Variants in NAV3 observed in about 807,000 individuals in gnomAD.
NAV3 encodes pore membrane and/or filament interacting like protein 1.
In NAV3, 87 loss-of-function variants were observed where a neutral mutation model predicts 244.7. The ratio of observed to expected loss-of-function variants is 0.36; its 90% CI spans 0.30 to 0.42. The LOEUF (loss-of-function observed/expected upper bound fraction) is 0.42. Ranked by LOEUF, NAV3 falls within the 20% of genes least tolerant of loss-of-function variation. The pLI, the probability that NAV3 is intolerant of heterozygous loss-of-function variation, is 1.00. For synonymous variants in NAV3, 1,126 were observed against 1,042.2 expected (o/e 1.08, Z -1.55); for missense variants, 2,663 against 2,893.3 (o/e 0.92, Z 1.83).
At chr12:78,052,344 C>CTTAAT (rs1882880378) in intron 11 of NAV3, 1 of 152,188 alleles carries the variant, frequency 6.6e-6, no homozygotes, top group East Asian at 1.9e-4. Flanking sequence ...ATTATAGAGA[C>CTTAAT]TAATTATGAT....
At chr12:78,067,689 C>A (rs1452255852) in intron 12 of NAV3, among the ~76,000 whole-genome samples, 1 of 152,052 alleles carries the variant, frequency 6.6e-6, no homozygotes, top group African/African-American at 2.4e-5. Flanking sequence ...GATTGTTAAA[C>A]CTCAATTGCC....
intron 2 of NAV3, among the ~76,000 whole-genome samples, chr12:77,812,415 T>TA (rs907735764): frequency 1.3e-5 from 2 of 152,040 alleles, no homozygotes; most frequent in African/African-American, 2.4e-5. Context: ...TTTTTTTTTT[T>TA]AACTTTTATT....
chr12:78,123,053 G>A (rs1955746078), intron 16 of NAV3, among the ~76,000 whole-genome samples: 2 of 151,880 alleles, frequency 1.3e-5, no homozygotes, highest in Admixed American at 6.6e-5. Context: ...TAAACTTAAA[G>A]TAGAGGACAT....
At position 77,940,470 on chromosome 12, in the gene NAV3, T is replaced by A. The variant is rs144343075; in HGVS notation, c.361+34T>A. 6 of 1,532,574 alleles carry A rather than the reference T, an allele frequency of 3.9e-6. No individual in the cohort carries two copies. In the South Asian group the frequency reaches 6.8e-5, roughly 17 times the overall value. 94.9% of individuals were successfully genotyped at this position (1,532,574 alleles called of 1,614,324 possible). ...TTCCTTCTGAAAGAAAGCATGAAAG[T>A]CTCTGCTCCCATCTCTTTGGTAAAG... On this transcript the variant is annotated intron_variant, in intron 2 of 39. Transcript: ENST00000397909.
At chr12:77,635,982 C>T (rs1189903264) in intron 2 of NAV3, among the ~76,000 whole-genome samples, 1 of 152,184 alleles carries the variant, frequency 6.6e-6, no homozygotes. Context: ...TCTTTAAAAA[C>T]ATTCAACCAG....
chr12:78,204,713 A>C (rs967641584), intron 38 of NAV3, among the ~76,000 whole-genome samples: 1 of 152,100 alleles, frequency 6.6e-6, no homozygotes, highest in African/African-American at 2.4e-5. Context: ...GTTGACATCT[A>C]TTCCAAATAT....
chr12:78,022,324 A>T lies in NAV3; in HGVS notation c.2023+462A>T, dbSNP rs116253795. Among the ~76,000 whole-genome samples the T allele has an allele frequency of 4.4e-3, 669 of 152,252 alleles. 7 individuals carry two copies. The highest frequency in any genetic ancestry group is 0.016 in the African/African-American group (649 of 41,568). On this transcript the variant is annotated intron_variant, in intron 9 of 39. Coordinates refer to ENST00000397909, the MANE Select transcript of NAV3 (RefSeq NM_001024383.2). ...ATAGATGATGTAAGAAAAAAAATAC[A>T]TATCCCAGACACAGTTATCATGTTT...
chr12:78,159,963 C>T (rs1440157288), intron 23 of NAV3, among the ~76,000 whole-genome samples: 2 of 152,012 alleles, frequency 1.3e-5, no homozygotes, highest in African/African-American at 4.8e-5. Context: ...TCACTAAATC[C>T]AGCTATAGGG....
chr12:77,803,886 GA>G (rs1369832955), intron 2 of NAV3, among the ~76,000 whole-genome samples: 1 of 152,152 alleles, frequency 6.6e-6, no homozygotes, highest in African/African-American at 2.4e-5. Context: ...CACTGATGAT[GA>G]GCTTCTTTTC....
intron 2 of NAV3, among the ~76,000 whole-genome samples, chr12:77,592,620 A>G (rs1197968853): frequency 6.6e-6 from 1 of 152,176 alleles, no homozygotes; most frequent in Non-Finnish European, 1.5e-5. Context: ...TATGTCCTGC[A>G]GCTTAGCAGT....
chr12:78,022,108 T>C (rs897880752), intron 9 of NAV3, among the ~76,000 whole-genome samples: 5 of 152,088 alleles, frequency 3.3e-5, no homozygotes, highest in Admixed American at 1.3e-4. Flanking sequence ...AGTCAAGTAG[T>C]TGAATAAAAT....
At chr12:77,954,074 C>T (rs1891143253) in intron 3 of NAV3, among the ~76,000 whole-genome samples, 1 of 152,084 alleles carries the variant, frequency 6.6e-6, no homozygotes, top group South Asian at 2.1e-4. Flanking sequence ...CTTTCTTTTG[C>T]TTGAGGCCAC....
intron 5 of NAV3, among the ~76,000 whole-genome samples, chr12:77,972,083 A>C (rs1401659472): frequency 6.6e-6 from 1 of 152,224 alleles, no homozygotes; most frequent in East Asian, 1.9e-4. Flanking sequence ...AGAGGAAAGA[A>C]TAGAGTAAGA....
At chr12:77,736,675 G>C (rs1424336802) in intron 2 of NAV3, among the ~76,000 whole-genome samples, 1 of 152,222 alleles carries the variant, frequency 6.6e-6, no homozygotes, top group African/African-American at 2.4e-5. Flanking sequence ...CATGGGGAAA[G>C]AACTATACAA....
At chr12:77,623,211 T>C (rs1283551487) in intron 2 of NAV3, among the ~76,000 whole-genome samples, 1 of 152,128 alleles carries the variant, frequency 6.6e-6, no homozygotes, top group Admixed American at 6.6e-5. Flanking sequence ...TGAAAAAAAA[T>C]TGATTTTTTA....
intron 2 of NAV3, among the ~76,000 whole-genome samples, chr12:77,750,828 G>A (rs1209592467): frequency 1.3e-5 from 2 of 152,110 alleles, no homozygotes; most frequent in Non-Finnish European, 2.9e-5. Context: ...ATTTAAGAAA[G>A]GCAGAATGTA....
At chr12:78,196,043 TA>T (rs1336926187) in intron 34 of NAV3, among the ~76,000 whole-genome samples, 5 of 152,188 alleles carry the variant, frequency 3.3e-5, no homozygotes, top group African/African-American at 1.2e-4. Context: ...ATGAACGCAG[TA>T]GATAGACAGT....
rs565862999 is a variant in NAV3 at position 78,209,657 on chromosome 12, C to A, written c.7039-741C>A. Among the ~76,000 whole-genome samples, 4 of 152,164 alleles carry A rather than the reference C, an allele frequency of 2.6e-5. No individual in the cohort carries two copies. The South Asian group carries it at 8.3e-4, about 32-fold the overall frequency. ...ACATGGAAATGCTAGCTGCCTTTCT[C>A]CCCAGGTGCTTTCATGCATATGTCC... is the stretch of plus-strand genomic sequence containing the variant. On this transcript the variant is annotated intron_variant, in intron 39 of 39. Transcript: ENST00000397909.
chr12:78,015,106 G>C (rs1875958762), intron 8 of NAV3, among the ~76,000 whole-genome samples: 1 of 152,048 alleles, frequency 6.6e-6, no homozygotes, highest in Non-Finnish European at 1.5e-5. Context: ...TTCTGTGCTT[G>C]ATTACGAGGT....
Sources: allele counts gnomAD v4.1 joint callset (sites outside exome capture counted in the v4.1 genomes callset), GRCh38; gene constraint gnomAD v4.1.1; transcripts MANE v1.5; gene names NCBI Gene and HGNC (gene_info 2026-07-23, HGNC 2026-07-21).